Variants in SH3GL1 observed in about 807,000 individuals in gnomAD.
SH3GL1 encodes endophilin-A2.
Under a neutral mutation model 48.8 loss-of-function variants are expected in SH3GL1, and 21 were observed. That is an observed-to-expected ratio of 0.43 (90% CI 0.30 to 0.62). The LOEUF (loss-of-function observed/expected upper bound fraction) is 0.62. Ranked by LOEUF, SH3GL1 falls within the 20% of genes least tolerant of loss-of-function variation. The probability of loss-of-function intolerance (pLI) is 0.11; values close to 1 mark genes in which losing one functional copy is unlikely to be tolerated. For missense variants in SH3GL1, 454 were observed against 503.0 expected (o/e 0.90, Z 0.93); for synonymous variants, 282 against 217.5 (o/e 1.30, Z -2.61).
rs577491300 is a variant in SH3GL1 at position 4,379,438 on chromosome 19, A to T, written c.46-12444T>A. Among the ~76,000 whole-genome samples, 905 of 151,506 alleles carry T rather than the reference A, an allele frequency of 6.0e-3. 6 individuals carry two copies. The highest frequency in any genetic ancestry group is 0.01 in the African/African-American group (410 of 40,892). Reference sequence around the variant, plus strand: ...AAGATGCTGTCTCAAAAAAAAAAAAAAAATAAAGCAGCAAAGGACCAAGAG... The same window carrying T: ...AAGATGCTGTCTCAAAAAAAAAAAATAAATAAAGCAGCAAAGGACCAAGAG... On this transcript the variant is annotated intron_variant, in intron 1 of 9. Transcript: ENST00000269886.
At chr19:4,369,741 C>T (rs974633560) in intron 1 of SH3GL1, among the ~76,000 whole-genome samples, 1 of 152,260 alleles carries the variant, frequency 6.6e-6, no homozygotes. Context: ...CCCCTGACAC[C>T]CGGGAGGCTG....
intron 1 of SH3GL1, chr19:4,390,329 G>GA (rs1360143044): frequency 6.6e-6 from 1 of 152,418 alleles, no homozygotes; most frequent in African/African-American, 2.4e-5. Context: ...CAGTGCTCAG[G>GA]AAAAGTGCTT....
At position 4,361,732 on chromosome 19, in the gene SH3GL1, C is replaced by A. The variant is rs1322117926; in HGVS notation, c.975G>T (p.Leu325=). Residue 325 remains leucine, a synonymous_variant, in exon 10 of 10, where the codon CTG becomes CTT. Coordinates refer to ENST00000269886, the MANE Select transcript of SH3GL1 (RefSeq NM_003025.4). The stretch of plus-strand genomic sequence containing the variant: ...TGATGACGTCGCCCTCATGGAAGCC[C>A]AGCTCCCCGTCGTTCTCGGGCTCGA... ...YDFEPENDGE[L]GFHEGDVITL... is the part of the protein sequence containing the mutation. 6.2e-7 allele frequency: 1 copy of A among 1,613,186 alleles called. No individual in the cohort carries two copies. Among genetic ancestry groups the A allele is most frequent in the Admixed American group, 1.7e-5 (1 of 60,014 alleles).
At chr19:4,369,676 C>T (rs993604597) in intron 1 of SH3GL1, among the ~76,000 whole-genome samples, 10 of 152,238 alleles carry the variant, frequency 6.6e-5, no homozygotes, top group Admixed American at 5.2e-4. Context: ...AGGACCCTGC[C>T]TTCCTGAGCC....
At chr19:4,387,787 G>A (rs55680619) in intron 1 of SH3GL1, among the ~76,000 whole-genome samples, 3,666 of 151,892 alleles carry the variant, frequency 0.024, 141 homozygotes, top group African/African-American at 0.085. Context: ...AGGTTCCAGC[G>A]ATTCGCCTGC....
In SH3GL1 at chr19:4,362,389, AAC is replaced by A. The variant is rs767064379; in HGVS notation, c.854-6_854-5del. ...GAAGATCGGAAAGACGATGAAGCTAAACACAAGCAAAACGAGGAGGCTGTGGG... is the reference window on the plus strand; with the variant it reads ...GAAGATCGGAAAGACGATGAAGCTAAACAAGCAAAACGAGGAGGCTGTGGG... On this transcript the variant is annotated splice_region_variant and splice_polypyrimidine_tract_variant and intron_variant, in intron 8 of 9. Coordinates refer to ENST00000269886, the MANE Select transcript of SH3GL1 (RefSeq NM_003025.4). The A allele has an allele frequency of 8.1e-5, 130 of 1,610,202 alleles. No homozygotes were observed. Among genetic ancestry groups the A allele is most frequent in the Non-Finnish European group, 1.0e-4 (122 of 1,178,018 alleles).
chr19:4,400,310 G>A lies in SH3GL1; in HGVS notation c.45+14C>T. Reference sequence around the variant, plus strand: ...GGGGCCCGGTACTCGGCTCCCGCCTGGGCCTGCGCTCACCTGGCTCGCCTT... The same window carrying A: ...GGGGCCCGGTACTCGGCTCCCGCCTAGGCCTGCGCTCACCTGGCTCGCCTT... On this transcript the variant is annotated intron_variant, in intron 1 of 9. Transcript: ENST00000269886. This position sits in a 1 kb window ranked among gnomAD's most constrained non-coding sequence, Gnocchi z 4.1. The A allele has an allele frequency of 5.6e-6, 9 of 1,597,302 alleles. No homozygotes were observed. Among genetic ancestry groups the A allele is most frequent in the Non-Finnish European group, 6.8e-6 (8 of 1,175,096 alleles).
intron 1 of SH3GL1, among the ~76,000 whole-genome samples, chr19:4,391,951 T>G (rs765807417): frequency 4.6e-5 from 7 of 152,242 alleles, no homozygotes; most frequent in Non-Finnish European, 7.3e-5. Context: ...CACCAGAGCT[T>G]CCTGCAAGAA....
Position 4,400,264 on chromosome 19 carries a change from G to T in SH3GL1, c.45+60C>A. 1 of 1,556,348 alleles carries T rather than the reference G, an allele frequency of 6.4e-7. No homozygotes were observed. The highest frequency in any genetic ancestry group is 8.7e-7 in the Non-Finnish European group (1 of 1,150,228). Reference sequence around the variant, plus strand: ...CCCCTCCCGGGCCAGGTCGGGCCTGGCTCCCTCATCCGGGCAGCCCGGGGC... The same window carrying T: ...CCCCTCCCGGGCCAGGTCGGGCCTGTCTCCCTCATCCGGGCAGCCCGGGGC... On this transcript the variant is annotated intron_variant, in intron 1 of 9. Transcript: ENST00000269886. This position sits in a 1 kb window ranked among gnomAD's most constrained non-coding sequence, Gnocchi z 4.1.
Position 4,361,264 on chromosome 19 carries a change from A to C in SH3GL1, c.*336T>G. On this transcript the variant is annotated 3_prime_UTR_variant, in exon 10 of 10. Transcript: ENST00000269886. ...CGGAGGTGGGGGCTGCCCCAGAGGA[A>C]CATTAGTGTTTCTAAGAGCACCTTA... 5 of 386,732 alleles carry C rather than the reference A, an allele frequency of 1.3e-5. No homozygotes were observed. Among genetic ancestry groups the C allele is most frequent in the South Asian group, 3.4e-5 (1 of 29,556 alleles). The allele number at this position is 386,732 out of a possible 1,614,324, so 24.0% of individuals were successfully genotyped here.
At chr19:4,364,732 G>GTT (rs1972724844) in intron 4 of SH3GL1, 1 of 149,582 alleles carries the variant, frequency 6.7e-6, no homozygotes, top group Non-Finnish European at 1.5e-5. Context: ...CCCGGTTTTT[G>GTT]TTTTGTTTTG....
At chr19:4,364,583 A>G in intron 4 of SH3GL1, 1 of 278,982 alleles carries the variant, frequency 3.6e-6, no homozygotes, top group Non-Finnish European at 7.0e-6. Flanking sequence ...GGGGCCTGCC[A>G]CCACATCCAG....
intron 7 of SH3GL1, 68 bp from the exon 8 acceptor site, chr19:4,362,804 A>T: frequency 6.2e-7 from 1 of 1,607,532 alleles, no homozygotes. Flanking sequence ...TCTTGTATTT[A>T]TGCTGCTGCC....
chr19:4,398,452 G>T (rs543740220), intron 1 of SH3GL1, among the ~76,000 whole-genome samples: 13 of 151,022 alleles, frequency 8.6e-5, no homozygotes, highest in Admixed American at 8.6e-4. Context: ...GTGCAATCTC[G>T]GCTCACTGCA....
At chr19:4,370,148 C>A (rs933374716) in intron 1 of SH3GL1, among the ~76,000 whole-genome samples, 1 of 152,234 alleles carries the variant, frequency 6.6e-6, no homozygotes, top group Admixed American at 6.5e-5. Context: ...GTGTTCCTAA[C>A]CCTGGTGCCA....
intron 1 of SH3GL1, among the ~76,000 whole-genome samples, chr19:4,379,092 C>T (rs1002657329): frequency 1.3e-5 from 2 of 152,206 alleles, no homozygotes; most frequent in Non-Finnish European, 2.9e-5. Context: ...GCTCACAGCA[C>T]GGGACATATT....
rs1973296850 is a variant in SH3GL1, at chr19:4,389,514, G to A, written c.45+10810C>T. Among the ~76,000 whole-genome samples the A allele has an allele frequency of 6.6e-6, 1 of 152,180 alleles. No homozygotes were observed. The highest frequency in any genetic ancestry group is 1.5e-5 in the Non-Finnish European group (1 of 68,022). On this transcript the variant is annotated intron_variant, in intron 1 of 9. Coordinates refer to ENST00000269886, the MANE Select transcript of SH3GL1 (RefSeq NM_003025.4). This position sits in a 1 kb window ranked among gnomAD's most constrained non-coding sequence, Gnocchi z 4.5. The stretch of plus-strand genomic sequence containing the variant: ...AGGGACTGACTGTGTGAGTTCCCAT[G>A]CAGGGGAAGAGTAGCATTTAAACCT...
At chr19:4,374,311 G>A (rs1418806142) in intron 1 of SH3GL1, among the ~76,000 whole-genome samples, 1 of 152,174 alleles carries the variant, frequency 6.6e-6, no homozygotes, top group Non-Finnish European at 1.5e-5. Context: ...CAGGGGCCAG[G>A]GGCCAGCTCT....
intron 1 of SH3GL1, among the ~76,000 whole-genome samples, chr19:4,383,385 T>A (rs536445306): frequency 3.0e-4 from 45 of 152,032 alleles, no homozygotes; most frequent in African/African-American, 7.0e-4. Flanking sequence ...GAGTTATTTT[T>A]TTTTTTATTT....
Sources: gnomAD v4.1 joint callset for allele counts (sites outside exome capture counted in the v4.1 genomes callset) on GRCh38, gnomAD v4.1.1 for gene constraint, Gnocchi (gnomAD v3.1) non-coding constraint, MANE v1.5 for transcripts, NCBI Gene and HGNC (gene_info 2026-07-23, HGNC 2026-07-21) for gene names.